The following KNDC1 variants were observed in gnomAD, a reference collection of about 807,000 sequenced individuals.
KNDC1 encodes kinase non-catalytic C-lobe domain-containing protein 1.
KNDC1 carries 106 observed loss-of-function variants against 172.8 expected under a neutral mutation model. The ratio of observed to expected loss-of-function variants is 0.61; its 90% CI spans 0.52 to 0.72. The LOEUF (loss-of-function observed/expected upper bound fraction) is 0.72, where lower values mean the gene tolerates loss of function less well. Ranked by LOEUF, KNDC1 falls within the 30% of genes least tolerant of loss-of-function variation. The probability of loss-of-function intolerance (pLI) is 0.00; values close to 1 mark genes in which losing one functional copy is unlikely to be tolerated. For synonymous variants in KNDC1, 1,083 were observed against 1,062.2 expected (o/e 1.02, Z -0.38); for missense variants, 2,325 against 2,394.5 (o/e 0.97, Z 0.61).
rs777896770 is a variant in KNDC1, at chr10:133,186,384, C to G, written c.1036C>G (p.Leu346Val). 3.1e-6 allele frequency: 5 copies of G among 1,612,786 alleles called. No individual in the cohort carries two copies. The South Asian group carries it at 4.4e-5, about 14-fold the overall frequency. Reference sequence around the variant, plus strand: ...CTCTCCGGACCCCAGGAAGGCCTTTCTGGACAGGAAAAATGGCCTTTCTAG... The same window carrying G: ...CTCTCCGGACCCCAGGAAGGCCTTTGTGGACAGGAAAAATGGCCTTTCTAG... ...LFSPDPRKAFLDRKNGLSSFQ... is the reference protein window; with the variant it reads ...LFSPDPRKAFVDRKNGLSSFQ... Residue 346 changes from leucine (L) to valine (V), a missense_variant, in exon 6 of 30, where the codon CTG (leucine) becomes GTG (valine). Coordinates refer to ENST00000304613, the MANE Select transcript of KNDC1 (RefSeq NM_152643.8).
chr10:133,188,593 G>T lies in KNDC1; in HGVS notation c.1381G>T (p.Glu461Ter). 1 of 1,596,568 alleles carries T rather than the reference G, an allele frequency of 6.3e-7. No homozygotes were observed. ...GCTGGGCCGGCCCTTCCGGGAGTAC[G>T]AGCTGTGGGCCCTGTGCCTGGCCTG... ...SQLGRPFREYELWALCLACLR... is the reference protein window; with the variant it reads ...SQLGRPFREY Residue 461 changes from glutamate to a stop codon, truncating the protein, a stop_gained, in exon 7 of 30, where the codon GAG becomes TAG. Transcript: ENST00000304613. LOFTEE classifies it high-confidence loss of function.
chr10:133,183,763 TG>T, intron 4 of KNDC1, 108 bp from the exon 5 acceptor site: 1 of 937,800 alleles, frequency 1.1e-6, no homozygotes, highest in Non-Finnish European at 1.6e-6. Flanking sequence ...AGGCAGGCTC[TG>T]GGGACTGTCC....
chr10:133,170,620 A>T (rs115620351), intron 3 of KNDC1, among the ~76,000 whole-genome samples: 2,217 of 152,322 alleles, frequency 0.015, 53 homozygotes, highest in African/African-American at 0.05. Flanking sequence ...AGACATTTTA[A>T]GTTATCTATT....
intron 1 of KNDC1, among the ~76,000 whole-genome samples, chr10:133,162,329 T>C (rs1345435981): frequency 6.6e-6 from 1 of 152,024 alleles, no homozygotes; most frequent in Non-Finnish European, 1.5e-5. Flanking sequence ...AAAACCGTCC[T>C]GGGTGAGGTG....
At chr10:133,203,641 C>T (rs1425683077) in intron 17 of KNDC1, among the ~76,000 whole-genome samples, 18 of 152,190 alleles carry the variant, frequency 1.2e-4, no homozygotes, top group African/African-American at 2.2e-4. Flanking sequence ...AGCTGGCATC[C>T]GCGTCTCCTG....
rs111646135 is a variant in KNDC1, at chr10:133,218,998, G to T, written c.4801-33G>T. 1.8e-5 allele frequency: 29 copies of T among 1,613,806 alleles called. 1 individual carries two copies. In the Middle Eastern group the frequency reaches 4.9e-4, roughly 28 times the overall value. On this transcript the variant is annotated intron_variant, in intron 27 of 29. Coordinates refer to ENST00000304613, the MANE Select transcript of KNDC1 (RefSeq NM_152643.8). ...CAAGGCGGGGGTGGGTACCCGCACGGCCGCAGGAGGCTCACCTGTGCTTTC... is the reference window on the plus strand; with the variant it reads ...CAAGGCGGGGGTGGGTACCCGCACGTCCGCAGGAGGCTCACCTGTGCTTTC...
At chr10:133,214,888 G>A (rs569712585) in intron 26 of KNDC1, among the ~76,000 whole-genome samples, 7 of 152,298 alleles carry the variant, frequency 4.6e-5, no homozygotes, top group African/African-American at 1.4e-4. Context: ...ATCCTTCACG[G>A]GGCTTACCTG....
chr10:133,199,062 G>C lies in KNDC1; in HGVS notation c.2554G>C (p.Ala852Pro), dbSNP rs1457734628. The change falls in exon 14 of 30, where the codon GCC becomes CCC. Residue 852 changes from alanine (A) to proline (P), a missense_variant. Coordinates refer to ENST00000304613, the MANE Select transcript of KNDC1 (RefSeq NM_152643.8). The part of the protein sequence containing the change: ...QEPEGPGATP[A>P]GERDDQSPDS... The stretch of plus-strand genomic sequence containing the variant: ...GCCAGAGGGCCCCGGGGCCACCCCT[G>C]CCGGGGAACGTGATGACCAGAGTCC... 4 of 1,600,546 alleles carry C rather than the reference G, an allele frequency of 2.5e-6. No individual in the cohort carries two copies. Among genetic ancestry groups the C allele is most frequent in the Non-Finnish European group, 3.4e-6 (4 of 1,174,674 alleles).
rs538781473 is a variant in KNDC1, at chr10:133,213,080, A to C, written c.4443+158A>C. On this transcript the variant is annotated intron_variant, in intron 24 of 29. Coordinates refer to ENST00000304613, the MANE Select transcript of KNDC1 (RefSeq NM_152643.8). ...CAGGTTGGGGGTGGCTGCCAGGTGCACAGGTCCAGGCGGCTGCTGCCTCAA... is the reference window on the plus strand; with the variant it reads ...CAGGTTGGGGGTGGCTGCCAGGTGCCCAGGTCCAGGCGGCTGCTGCCTCAA... Among the ~76,000 whole-genome samples the C allele has an allele frequency of 3.9e-5, 6 of 152,304 alleles. No homozygotes were observed. In the East Asian group the frequency reaches 1.2e-3, roughly 29 times the overall value.
In KNDC1 at chr10:133,160,550, C is replaced by T; in HGVS notation, c.83C>T (p.Pro28Leu). Residue 28 changes from proline to leucine, a missense_variant, in exon 1 of 30, where the codon CCC (proline) becomes CTC (leucine). Pro to Leu is a moderately conservative substitution (Grantham distance 98). Transcript: ENST00000304613. ...GACTTCTACGACTTCGAGCCGCTGCCCACCCTCCCCGAGGACGAGGTGAGC... is the reference window on the plus strand; with the variant it reads ...GACTTCTACGACTTCGAGCCGCTGCTCACCCTCCCCGAGGACGAGGTGAGC... ...DLDFYDFEPL[P>L]TLPEDEENVS... is the part of the protein sequence containing the mutation. The T allele has an allele frequency of 6.3e-7, 1 of 1,581,974 alleles. No individual in the cohort carries two copies. Among genetic ancestry groups the T allele is most frequent in the Non-Finnish European group, 8.6e-7 (1 of 1,165,754 alleles).
chr10:133,182,216 G>A (rs1012483605), intron 3 of KNDC1, among the ~76,000 whole-genome samples: 4 of 152,138 alleles, frequency 2.6e-5, no homozygotes, highest in Non-Finnish European at 4.4e-5. Context: ...ACCTCACGAC[G>A]GACTGGGGAG....
chr10:133,173,863 C>T (rs933819512), intron 3 of KNDC1: 1 of 152,240 alleles, frequency 6.6e-6, no homozygotes, highest in African/African-American at 2.4e-5. Context: ...TCCCAACAGT[C>T]GTCTCTAAAC....
intron 17 of KNDC1, among the ~76,000 whole-genome samples, chr10:133,203,988 A>T (rs1361856953): frequency 6.6e-6 from 1 of 152,202 alleles, no homozygotes; most frequent in African/African-American, 2.4e-5. Flanking sequence ...AGGTTCCTGG[A>T]TGCGTCAGGG....
Position 133,186,102 on chromosome 10 carries a change from CG to C in KNDC1, c.758del (p.Gly253AlafsTer15). ...TPEGPESETS[R>X]GPRASPTKAL... ...CGAAGGCCCGGAGTCTGAGACGAGC[CG>C]GGGCCCCAGAGCCTCCCCAACCAAG... On this transcript the variant is annotated frameshift_variant, in exon 6 of 30. Coordinates refer to ENST00000304613, the MANE Select transcript of KNDC1 (RefSeq NM_152643.8). LOFTEE classifies it high-confidence loss of function. 1 of 1,597,502 alleles carries C rather than the reference CG, an allele frequency of 6.3e-7. No individual in the cohort carries two copies.
At chr10:133,211,929 C>G in intron 23 of KNDC1, 71 bp downstream of exon 23, 6 of 1,466,408 alleles carry the variant, frequency 4.1e-6, no homozygotes, top group Non-Finnish European at 5.5e-6. Flanking sequence ...GCCTCAAAGA[C>G]ACAACTGGTG....
At chr10:133,213,227 C>T (rs151266599) in intron 24 of KNDC1, among the ~76,000 whole-genome samples, 551 of 152,326 alleles carry the variant, frequency 3.6e-3, no homozygotes, top group African/African-American at 7.1e-3. Context: ...CCGCATGGGG[C>T]GCTGAGTCTC....
At chr10:133,200,253 G>A in intron 15 of KNDC1, 122 bp from the exon 16 acceptor site, 1 of 646,550 alleles carries the variant, frequency 1.5e-6, no homozygotes, top group Non-Finnish European at 2.5e-6. Context: ...AGAGGGGTGA[G>A]CTCCTGCCGC....
At chr10:133,201,938 G>C in intron 17 of KNDC1, 40 bp downstream of exon 17, 1 of 1,521,288 alleles carries the variant, frequency 6.6e-7, no homozygotes, top group Non-Finnish European at 8.8e-7. Flanking sequence ...GGGGCAGGGC[G>C]TCTCCTTCCA....
chr10:133,183,115 C>G (rs1853773225), intron 3 of KNDC1, among the ~76,000 whole-genome samples: 1 of 143,808 alleles, frequency 7.0e-6, no homozygotes, highest in African/African-American at 2.6e-5. Context: ...GCAGGGGCGG[C>G]AAAAGTGTGG....
Sources: gnomAD v4.1 joint callset for allele counts (sites outside exome capture counted in the v4.1 genomes callset) on GRCh38, gnomAD v4.1.1 for gene constraint, MANE v1.5 for transcripts, NCBI Gene and HGNC (gene_info 2026-07-23, HGNC 2026-07-21) for gene names.